NDFIP2: variants seen among roughly 807,000 people sequenced by gnomAD.
The protein encoded by NDFIP2 is NEDD4 family-interacting protein 2.
NDFIP2 carries 19 observed loss-of-function variants against 36.0 expected under a neutral mutation model. The ratio of observed to expected loss-of-function variants is 0.53; its 90% CI spans 0.37 to 0.77. The LOEUF (loss-of-function observed/expected upper bound fraction) is 0.77. NDFIP2 is among the 30% of genes least tolerant of loss of function. The probability of loss-of-function intolerance (pLI) is 0.00; values close to 1 mark genes in which losing one functional copy is unlikely to be tolerated. For missense variants in NDFIP2, 446 were observed against 435.8 expected, an observed-to-expected ratio of 1.02 and a Z score of -0.21; for synonymous variants, 181 against 167.7, an observed-to-expected ratio of 1.08 and a Z score of -0.61.
chr13:79,489,591 G>C (rs1180074538), intron 1 of NDFIP2, among the ~76,000 whole-genome samples: 1 of 152,196 alleles, frequency 6.6e-6, no homozygotes, highest in African/African-American at 2.4e-5. Flanking sequence ...TTAGTAGATA[G>C]GGATCAGCTT....
At chr13:79,532,826 T>C (rs1158049569) in intron 2 of NDFIP2, among the ~76,000 whole-genome samples, 1 of 152,206 alleles carries the variant, frequency 6.6e-6, no homozygotes, top group Admixed American at 6.6e-5. Context: ...AAATGTTTAA[T>C]ATTGTGCAAG....
chr13:79,534,232 C>T (rs1254539371), intron 3 of NDFIP2, among the ~76,000 whole-genome samples: 1 of 151,322 alleles, frequency 6.6e-6, no homozygotes, highest in Non-Finnish European at 1.5e-5. Context: ...TGTGAATCAT[C>T]TTTTTTTCTA....
chr13:79,497,327 A>G (rs572688570), intron 1 of NDFIP2, among the ~76,000 whole-genome samples: 7 of 152,116 alleles, frequency 4.6e-5, no homozygotes, highest in Non-Finnish European at 8.8e-5. Flanking sequence ...CATGGGCTCC[A>G]TTCCATGCTT....
At chr13:79,492,213 C>T (rs80008599) in intron 1 of NDFIP2, among the ~76,000 whole-genome samples, 5,992 of 149,872 alleles carry the variant, frequency 0.04, 384 homozygotes, top group African/African-American at 0.14. Flanking sequence ...GGACATATAG[C>T]CTTTTGGATA....
At chr13:79,508,238 G>T (rs1873944908) in intron 1 of NDFIP2, among the ~76,000 whole-genome samples, 1 of 152,142 alleles carries the variant, frequency 6.6e-6, no homozygotes, top group African/African-American at 2.4e-5. Context: ...TTCCATGTGA[G>T]AATTTCCTAG....
At chr13:79,488,298 A>G (rs1333739635) in intron 1 of NDFIP2, among the ~76,000 whole-genome samples, 1 of 152,130 alleles carries the variant, frequency 6.6e-6, no homozygotes, top group African/African-American at 2.4e-5. Context: ...AATTGCTTTT[A>G]AACATACCCC....
chr13:79,535,082 AGAG>A (rs1875181560), intron 3 of NDFIP2, among the ~76,000 whole-genome samples: 1 of 152,174 alleles, frequency 6.6e-6, no homozygotes, highest in Admixed American at 6.5e-5. Context: ...GGAACATCAC[AGAG>A]GAGGAGGATA....
intron 2 of NDFIP2, 141 bp downstream of exon 2, chr13:79,521,116 C>T (rs1472161911): frequency 1.0e-5 from 7 of 675,652 alleles, no homozygotes; most frequent in Non-Finnish European, 1.7e-5. Context: ...ACTGTGTGCA[C>T]ATATAAATAT....
At chr13:79,549,044 TAC>T (rs1367462604) in intron 6 of NDFIP2, among the ~76,000 whole-genome samples, 18 of 152,142 alleles carry the variant, frequency 1.2e-4, no homozygotes, top group African/African-American at 4.3e-4. Flanking sequence ...ACATAAGGAA[TAC>T]CTTTTGTTTC....
At chr13:79,517,408 T>C (rs71445304) in intron 1 of NDFIP2, among the ~76,000 whole-genome samples, 42,112 of 150,202 alleles carry the variant, frequency 0.28, 7,072 homozygotes, top group East Asian at 0.52. Flanking sequence ...TTAAGAAAAA[T>C]TATTCTCAAG....
intron 5 of NDFIP2, among the ~76,000 whole-genome samples, chr13:79,545,827 C>T (rs910667912): frequency 1.3e-5 from 2 of 152,156 alleles, no homozygotes; most frequent in Admixed American, 1.3e-4. Context: ...ACCTCCGCCT[C>T]CCGGGTTCAA....
At chr13:79,502,890 GT>G (rs60970271) in intron 1 of NDFIP2, among the ~76,000 whole-genome samples, 11,668 of 145,272 alleles carry the variant, frequency 0.08, 1,038 homozygotes, top group African/African-American at 0.22. Flanking sequence ...CTGGGGGGAG[GT>G]TTTTTTTTTT....
At chr13:79,518,776 C>G (rs1455495084) in intron 1 of NDFIP2, among the ~76,000 whole-genome samples, 2 of 152,090 alleles carry the variant, frequency 1.3e-5, no homozygotes, top group African/African-American at 4.8e-5. Context: ...AAAGGTAGAG[C>G]AAAAATTTAC....
intron 2 of NDFIP2, 105 bp downstream of exon 2, chr13:79,521,080 A>G: frequency 2.2e-6 from 2 of 902,648 alleles, no homozygotes; most frequent in Non-Finnish European, 3.3e-6. Flanking sequence ...ATATATACAC[A>G]TGGATATTTA....
At chr13:79,482,652 A>G (rs1412138954) in intron 1 of NDFIP2, among the ~76,000 whole-genome samples, 2 of 152,230 alleles carry the variant, frequency 1.3e-5, no homozygotes, top group African/African-American at 4.8e-5. Context: ...AAGACTTTCT[A>G]TTAATAAGTA....
intron 1 of NDFIP2, among the ~76,000 whole-genome samples, chr13:79,482,227 G>T: frequency 9.1e-6 from 1 of 110,268 alleles, no homozygotes; most frequent in East Asian, 3.1e-4. Context: ...AGTTTTAGTA[G>T]AACAAATTCT....
At chr13:79,544,001 C>G (rs1875560385) in intron 5 of NDFIP2, among the ~76,000 whole-genome samples, 2 of 152,068 alleles carry the variant, frequency 1.3e-5, no homozygotes, top group South Asian at 4.2e-4. Flanking sequence ...TAATAGCTGC[C>G]TTGTAGGATT....
intron 1 of NDFIP2, among the ~76,000 whole-genome samples, chr13:79,484,325 A>G (rs920820169): frequency 7.9e-5 from 12 of 152,120 alleles, no homozygotes; most frequent in South Asian, 4.1e-4. Context: ...AAAGTTCTCT[A>G]TTTTAAAGGA....
chr13:79,518,071 G>T (rs1874421057), intron 1 of NDFIP2, among the ~76,000 whole-genome samples: 1 of 152,070 alleles, frequency 6.6e-6, no homozygotes, highest in Non-Finnish European at 1.5e-5. Flanking sequence ...AACATTTTTG[G>T]TCTTAAAATA....
Sources: gnomAD v4.1 joint callset for allele counts (sites outside exome capture counted in the v4.1 genomes callset) on GRCh38, gnomAD v4.1.1 for gene constraint, MANE v1.5 for transcripts, NCBI Gene and HGNC (gene_info 2026-07-23, HGNC 2026-07-21) for gene names.